The following TMCO5A variants were observed in gnomAD, a reference collection of about 807,000 sequenced individuals.
The protein encoded by TMCO5A is transmembrane and coiled-coil domains 5A, also known as transmembrane and coiled-coil domain-containing protein 5A.
Under a neutral mutation model 42.3 loss-of-function variants are expected in TMCO5A, and 34 were observed. That is an observed-to-expected ratio of 0.80 (90% CI 0.61 to 1.07). The LOEUF is 1.07. Among genes scored for constraint, TMCO5A ranks in the 50% least tolerant of loss-of-function variants. The pLI, the probability that TMCO5A is intolerant of heterozygous loss-of-function variation, is 0.00. For synonymous variants in TMCO5A, 131 were observed against 115.6 expected (o/e 1.13, Z -0.86); for missense variants, 357 against 327.9 (o/e 1.09, Z -0.69).
chr15:38,011,412 T>A, the TMCO5A span, among the ~76,000 whole-genome samples: 1 of 152,148 alleles, frequency 6.6e-6, no homozygotes, highest in African/African-American at 2.4e-5. Context: ...AGAGAGAGTG[T>A]GTGTGTGCGA....
chr15:37,943,370 A>G lies in TMCO5A; in HGVS notation c.599A>G (p.Glu200Gly). ...VSKLVSMNPV[E>G]KEHTSQNNEG... ...AAACTCGTGAGCATGAACCCTGTGG[A>G]AAAAGAGCATACCAGCCAAAATAAT... is the stretch of plus-strand genomic sequence containing the variant. The change falls in exon 10 of 12, where the codon GAA becomes GGA. Residue 200 changes from glutamate (E) to glycine (G), a missense_variant. Physicochemically the swap from Glu to Gly is moderately conservative, Grantham distance 98 (BLOSUM62 -2). Coordinates refer to ENST00000319669, the MANE Select transcript of TMCO5A (RefSeq NM_152453.4). 6.2e-7 allele frequency: 1 copy of G among 1,612,290 alleles called. No homozygotes were observed. Among genetic ancestry groups the G allele is most frequent in the Admixed American group, 1.7e-5 (1 of 59,828 alleles).
At chr15:37,956,517 T>A (rs559516615) in intron 11 of TMCO5A, among the ~76,000 whole-genome samples, 3 of 152,118 alleles carry the variant, frequency 2.0e-5, no homozygotes, top group Non-Finnish European at 4.4e-5. Flanking sequence ...CCTGGATACA[T>A]ACACCCTCCC....
the TMCO5A span, among the ~76,000 whole-genome samples, chr15:38,017,648 C>T: frequency 6.6e-6 from 1 of 152,188 alleles, no homozygotes; most frequent in Non-Finnish European, 1.5e-5. Context: ...ACCATTAAAA[C>T]ATCCTAGAAG....
the TMCO5A span, among the ~76,000 whole-genome samples, chr15:38,026,290 G>A: frequency 6.6e-6 from 1 of 152,130 alleles, no homozygotes; most frequent in African/African-American, 2.4e-5. Flanking sequence ...GGCTGAGGTG[G>A]TCTCAAATGG....
downstream of TMCO5A, among the ~76,000 whole-genome samples, chr15:37,955,697 A>G (rs1890270314): frequency 6.6e-6 from 1 of 152,114 alleles, no homozygotes. Flanking sequence ...AAGGCAGAAA[A>G]TTAACAAGAA....
chr15:37,997,630 CT>C, the TMCO5A span, among the ~76,000 whole-genome samples: 5 of 152,176 alleles, frequency 3.3e-5, no homozygotes, highest in African/African-American at 1.2e-4. Flanking sequence ...ACTTAGGCTG[CT>C]TCCAAATCTT....
At chr15:38,010,757 A>G in the TMCO5A span, among the ~76,000 whole-genome samples, 1 of 151,858 alleles carries the variant, frequency 6.6e-6, no homozygotes, top group South Asian at 2.1e-4. Context: ...TTGCTTACTT[A>G]TTTATTTATT....
At chr15:38,037,414 C>T in the TMCO5A span, among the ~76,000 whole-genome samples, 1 of 152,138 alleles carries the variant, frequency 6.6e-6, no homozygotes, top group African/African-American at 2.4e-5. Context: ...CACATATTGC[C>T]TCTATGAAAG....
Position 37,963,142 on chromosome 15 carries a change from C to T in TMCO5A, c.669-3483C>T, listed in dbSNP as rs996866153. On this transcript the variant is annotated intron_variant, in intron 11 of 11. Transcript: ENST00000559502. ...CTGTAGTTCCTTGAGGTGTGACCTT[C>T]GAATGTCAGCTTGTGCTCTTTCAGT... 3.9e-5 allele frequency among the ~76,000 whole-genome samples: 6 copies of T among 151,978 alleles called. No homozygotes were observed. In the South Asian group the frequency reaches 6.2e-4, roughly 16 times the overall value.
chr15:38,003,009 C>T, the TMCO5A span, among the ~76,000 whole-genome samples: 1 of 152,054 alleles, frequency 6.6e-6, no homozygotes, highest in African/African-American at 2.4e-5. Context: ...GAAGGCTTTC[C>T]GAGTCCCTTT....
chr15:37,969,719 C>CA (rs1890638791), downstream of TMCO5A, among the ~76,000 whole-genome samples: 1 of 152,176 alleles, frequency 6.6e-6, no homozygotes. Context: ...CTTCCACCCT[C>CA]AAGTACACTT....
the TMCO5A span, among the ~76,000 whole-genome samples, chr15:37,998,902 G>T: frequency 0.022 from 3,274 of 151,146 alleles, 122 homozygotes; most frequent in African/African-American, 0.074. Context: ...TTCTTTTTTT[G>T]TTGTTGTTGT....
downstream of TMCO5A, among the ~76,000 whole-genome samples, chr15:37,954,132 G>A (rs1482331387): frequency 2.0e-5 from 3 of 152,004 alleles, no homozygotes; most frequent in Non-Finnish European, 2.9e-5. Context: ...AAACAGATAG[G>A]CATAGAAAGT....
At chr15:37,979,011 G>A in the TMCO5A span, among the ~76,000 whole-genome samples, 1 of 151,822 alleles carries the variant, frequency 6.6e-6, no homozygotes, top group South Asian at 2.1e-4. Flanking sequence ...GTACCAAGGG[G>A]GAAATCCACC....
At chr15:37,981,629 G>C in the TMCO5A span, among the ~76,000 whole-genome samples, 1 of 152,154 alleles carries the variant, frequency 6.6e-6, no homozygotes, top group South Asian at 2.1e-4. Flanking sequence ...GCTAGCCAGG[G>C]AAACATGGCA....
At chr15:38,034,302 C>G in the TMCO5A span, among the ~76,000 whole-genome samples, 1 of 152,144 alleles carries the variant, frequency 6.6e-6, no homozygotes, top group South Asian at 2.1e-4. Flanking sequence ...TTAAGGGACA[C>G]ATTCAGGCCA....
chr15:37,986,325 C>T, the TMCO5A span, among the ~76,000 whole-genome samples: 1 of 149,800 alleles, frequency 6.7e-6, no homozygotes, highest in African/African-American at 2.5e-5. Context: ...TGAAATATAA[C>T]TGAATAAAAC....
intron 9 of TMCO5A, chr15:37,942,990 CT>C (rs1266080100): frequency 5.2e-6 from 1 of 191,770 alleles, no homozygotes; most frequent in African/African-American, 2.4e-5. Flanking sequence ...GGTCCTAGGA[CT>C]TGTAGGTCCT....
chr15:38,015,273 A>C, the TMCO5A span, among the ~76,000 whole-genome samples: 2,422 of 152,208 alleles, frequency 0.016, 74 homozygotes, highest in African/African-American at 0.056. Flanking sequence ...CCATCACAGG[A>C]ACTTTCCAAT....
Sources: allele counts gnomAD v4.1 joint callset (sites outside exome capture counted in the v4.1 genomes callset), GRCh38; gene constraint gnomAD v4.1.1; transcripts MANE v1.5; gene names NCBI Gene and HGNC (gene_info 2026-07-23, HGNC 2026-07-21).